PDE3A: variants seen among roughly 807,000 people sequenced by gnomAD.
PDE3A encodes the protein phosphodiesterase 3A.
PDE3A carries 43 observed loss-of-function variants against 98.3 expected under a neutral mutation model. That is an observed-to-expected ratio of 0.44 (90% CI 0.34 to 0.56). The LOEUF (loss-of-function observed/expected upper bound fraction) is 0.56. PDE3A is among the 20% of genes least tolerant of loss of function. The pLI is 0.01. For synonymous variants in PDE3A, 663 were observed against 567.9 expected (o/e 1.17, Z -2.38); for missense variants, 1,427 against 1,440.7 (o/e 0.99, Z 0.15).
chr12:20,384,286 A>G (rs1040646280), intron 1 of PDE3A, among the ~76,000 whole-genome samples: 1 of 151,560 alleles, frequency 6.6e-6, no homozygotes, highest in East Asian at 1.9e-4. Flanking sequence ...ATCTGCTTAC[A>G]TGGAAATAAA....
rs1943437101 is a variant in PDE3A, at chr12:20,370,080, G to T, written c.796G>T (p.Ala266Ser). ...AATCTTGCCGCAGTCCGCGGAGGCG[G>T]CTCCAAGGGAGCATTTGGGGTCCCA... ...EQILPQSAEAAPREHLGSQLI... is the reference protein window; with the variant it reads ...EQILPQSAEASPREHLGSQLI... Residue 266 changes from alanine to serine, a missense_variant, in exon 1 of 16, where the codon GCT becomes TCT. Ala to Ser is a moderately conservative substitution (Grantham distance 99). Transcript: ENST00000359062. 2 of 1,612,944 alleles carry T rather than the reference G, an allele frequency of 1.2e-6. No individual in the cohort carries two copies. Among genetic ancestry groups the T allele is most frequent in the Non-Finnish European group, 1.7e-6 (2 of 1,179,838 alleles).
intron 2 of PDE3A, among the ~76,000 whole-genome samples, chr12:20,603,515 A>C (rs1019834707): frequency 5.3e-5 from 8 of 152,186 alleles, no homozygotes; most frequent in Non-Finnish European, 1.2e-4. Flanking sequence ...TACCTAGAGT[A>C]AGAAGTGGAA....
chr12:20,610,780 A>G (rs1943829200), intron 2 of PDE3A, among the ~76,000 whole-genome samples: 1 of 152,006 alleles, frequency 6.6e-6, no homozygotes, highest in South Asian at 2.1e-4. Context: ...AAAATAAGCC[A>G]GACACAGAAA....
At chr12:20,474,462 A>G (rs994977688) in intron 1 of PDE3A, among the ~76,000 whole-genome samples, 4 of 152,186 alleles carry the variant, frequency 2.6e-5, no homozygotes, top group African/African-American at 9.6e-5. Context: ...TCTGGCATCT[A>G]TAACAAATTA....
chr12:20,465,895 C>T (rs1945333485), intron 1 of PDE3A, among the ~76,000 whole-genome samples: 1 of 151,946 alleles, frequency 6.6e-6, no homozygotes, highest in South Asian at 2.1e-4. Flanking sequence ...TAAATAATAC[C>T]AACTTGTGCC....
At chr12:20,621,562 T>C in intron 5 of PDE3A, 151 bp downstream of exon 5, 1 of 577,800 alleles carries the variant, frequency 1.7e-6, no homozygotes, top group Non-Finnish European at 3.1e-6. Context: ...TTTTTAGAAG[T>C]CTCAATAACC....
chr12:20,382,452 A>G (rs954426694), intron 1 of PDE3A, among the ~76,000 whole-genome samples: 1 of 151,950 alleles, frequency 6.6e-6, no homozygotes, highest in African/African-American at 2.4e-5. Context: ...TTTGAAGTTC[A>G]AAAAAACTTC....
intron 1 of PDE3A, among the ~76,000 whole-genome samples, chr12:20,408,005 C>T (rs1314282709): frequency 1.3e-5 from 2 of 152,046 alleles, no homozygotes; most frequent in East Asian, 1.9e-4. Flanking sequence ...CTGCAACCTC[C>T]GTCTGCCTCC....
Position 20,680,430 on chromosome 12 carries a change from G to A in PDE3A, c.*159G>A, listed in dbSNP as rs1019359819. ...CATTTTGTGTGTATATTTTTACAGT[G>A]AGGTACATTGTTAAAAACTTTTTGC... On this transcript the variant is annotated 3_prime_UTR_variant, in exon 16 of 16. Transcript: ENST00000359062. The A allele has an allele frequency of 1.3e-6, 1 of 749,610 alleles. No homozygotes were observed. The highest frequency in any genetic ancestry group is 2.1e-6 in the Non-Finnish European group (1 of 468,262). 46.4% of individuals were successfully genotyped at this position (749,610 alleles called of 1,614,324 possible).
chr12:20,504,364 G>A (rs1946077559), intron 1 of PDE3A, among the ~76,000 whole-genome samples: 1 of 151,676 alleles, frequency 6.6e-6, no homozygotes, highest in Non-Finnish European at 1.5e-5. Flanking sequence ...GACTTTCAGT[G>A]AATATTTCTT....
chr12:20,393,670 A>G (rs1427429122), intron 1 of PDE3A, among the ~76,000 whole-genome samples: 1 of 152,092 alleles, frequency 6.6e-6, no homozygotes. Flanking sequence ...AACAGAAAAA[A>G]AGCTGGAAAA....
chr12:20,568,966 G>A (rs1942728310), intron 2 of PDE3A, among the ~76,000 whole-genome samples: 2 of 151,946 alleles, frequency 1.3e-5, no homozygotes, highest in African/African-American at 2.4e-5. Context: ...GTGGATACAA[G>A]TAATAACTAT....
intron 10 of PDE3A, among the ~76,000 whole-genome samples, chr12:20,644,467 T>C (rs1944723573): frequency 1.3e-5 from 2 of 152,202 alleles, no homozygotes; most frequent in Admixed American, 6.6e-5. Context: ...CTCTGTCTTA[T>C]TTTTAAGATA....
intron 1 of PDE3A, among the ~76,000 whole-genome samples, chr12:20,537,137 G>A (rs1332097396): frequency 6.6e-6 from 1 of 152,022 alleles, no homozygotes; most frequent in Non-Finnish European, 1.5e-5. Flanking sequence ...GTCTTGATTT[G>A]CATGTCCACA....
At chr12:20,549,845 A>C (rs928711635) in intron 1 of PDE3A, among the ~76,000 whole-genome samples, 2 of 151,946 alleles carry the variant, frequency 1.3e-5, no homozygotes, top group Admixed American at 6.6e-5. Flanking sequence ...ACACTTGGCA[A>C]ATTTTACTGT....
chr12:20,633,572 A>G (rs1944430523), intron 6 of PDE3A, 121 bp from the exon 7 acceptor site: 1 of 520,652 alleles, frequency 1.9e-6, no homozygotes, highest in Non-Finnish European at 3.4e-6. Context: ...CACAAAACAA[A>G]TAAGCAGAAG....
At chr12:20,628,543 T>C (rs550078301) in intron 5 of PDE3A, among the ~76,000 whole-genome samples, 2 of 152,178 alleles carry the variant, frequency 1.3e-5, no homozygotes, top group Non-Finnish European at 2.9e-5. Flanking sequence ...TCCCATGTAC[T>C]AGTACTGTGA....
intron 2 of PDE3A, among the ~76,000 whole-genome samples, chr12:20,560,862 C>G (rs1024799629): frequency 2.6e-5 from 4 of 152,064 alleles, no homozygotes; most frequent in East Asian, 1.9e-4. Context: ...AACCCACCCC[C>G]ACCCCTACCC....
chr12:20,498,394 G>C (rs1945962620), intron 1 of PDE3A, among the ~76,000 whole-genome samples: 1 of 151,856 alleles, frequency 6.6e-6, no homozygotes, highest in Non-Finnish European at 1.5e-5. Context: ...AAAAGTGAGT[G>C]AGTGTGTCTG....
Sources: gnomAD v4.1 joint callset for allele counts (sites outside exome capture counted in the v4.1 genomes callset) on GRCh38, gnomAD v4.1.1 for gene constraint, MANE v1.5 for transcripts, NCBI Gene and HGNC (gene_info 2026-07-23, HGNC 2026-07-21) for gene names.